The following DOCK2 variants were observed in gnomAD, a reference collection of about 807,000 sequenced individuals.
DOCK2 encodes the protein dedicator of cytokinesis 2, also known as dedicator of cytokinesis protein 2.
In DOCK2, 87 loss-of-function variants were observed where a neutral mutation model predicts 248.9. The observed-to-expected ratio is 0.35, with a 90% CI of 0.29 to 0.42. The LOEUF (loss-of-function observed/expected upper bound fraction) is 0.42, where lower values mean the gene tolerates loss of function less well. Among genes scored for constraint, DOCK2 ranks in the 10% least tolerant of loss-of-function variants. The pLI, the probability that DOCK2 is intolerant of heterozygous loss-of-function variation, is 1.00. For synonymous variants in DOCK2, 805 were observed against 821.6 expected, an observed-to-expected ratio of 0.98 and a Z score of 0.35; for missense variants, 1,747 against 2,300.2, an observed-to-expected ratio of 0.76 and a Z score of 4.92.
chr5:169,681,631 CTAT>C, intron 6 of DOCK2, 110 bp from the exon 7 acceptor site: 1 of 1,308,740 alleles, frequency 7.6e-7, no homozygotes, highest in South Asian at 1.5e-5. Context: ...TAGAGCTCTT[CTAT>C]GTGACTATAT....
At chr5:169,811,644 C>T (rs1699267375) in intron 26 of DOCK2, among the ~76,000 whole-genome samples, 1 of 152,208 alleles carries the variant, frequency 6.6e-6, no homozygotes, top group South Asian at 2.1e-4. Context: ...CTGTATACCA[C>T]ACACTTCCCC....
intron 26 of DOCK2, among the ~76,000 whole-genome samples, chr5:169,809,247 T>C (rs155025): frequency 0.13 from 19,854 of 152,144 alleles, 1,464 homozygotes; most frequent in African/African-American, 0.18. Flanking sequence ...CACCTCCACC[T>C]CCCAAAGTGC....
intron 26 of DOCK2, among the ~76,000 whole-genome samples, chr5:169,823,614 C>T (rs751847745): frequency 2.0e-5 from 3 of 152,138 alleles, no homozygotes; most frequent in Admixed American, 6.5e-5. Flanking sequence ...ATTGATGGGA[C>T]GTACCTCAAA....
At chr5:169,994,054 G>T (rs1277251874) in intron 29 of DOCK2, among the ~76,000 whole-genome samples, 1 of 152,176 alleles carries the variant, frequency 6.6e-6, no homozygotes, top group South Asian at 2.1e-4. Flanking sequence ...CCTTAACTTA[G>T]TTGGGAAGAC....
chr5:170,060,536 G>A (rs1276738689), intron 44 of DOCK2, among the ~76,000 whole-genome samples: 3 of 152,170 alleles, frequency 2.0e-5, no homozygotes, highest in South Asian at 2.1e-4. Context: ...AGTTCTCCAA[G>A]TTTTTTGTCC....
At chr5:170,015,789 C>T (rs1755509410) in intron 32 of DOCK2, among the ~76,000 whole-genome samples, 1 of 151,378 alleles carries the variant, frequency 6.6e-6, no homozygotes, top group Non-Finnish European at 1.5e-5. Context: ...AGCCTCCCTC[C>T]CTCCCTCCTT....
chr5:169,779,179 A>G (rs1000104170), intron 25 of DOCK2: 1 of 152,270 alleles, frequency 6.6e-6, no homozygotes, highest in Non-Finnish European at 1.5e-5. Context: ...CCCCTGATCC[A>G]TTTTACAGAG....
At position 170,022,156 on chromosome 5, in the gene DOCK2, T is replaced by C. The variant is rs369021940; in HGVS notation, c.3381+3048T>C. On this transcript the variant is annotated intron_variant, in intron 33 of 51. Coordinates refer to ENST00000520908, the MANE Select transcript of DOCK2 (RefSeq NM_004946.3). ...CTTTGTATGGGCTCTTCCTTTTATA[T>C]CTTTGCCTGAAGAGATCCTAGACAC... is the stretch of plus-strand genomic sequence containing the variant. Among the ~76,000 whole-genome samples the C allele has an allele frequency of 1.8e-4, 27 of 152,336 alleles. No homozygotes were observed. In the East Asian group the frequency reaches 3.3e-3, roughly 19 times the overall value.
chr5:169,674,486 G>C, intron 6 of DOCK2, 41 bp downstream of exon 6: 2 of 1,607,668 alleles, frequency 1.2e-6, no homozygotes, highest in Non-Finnish European at 1.7e-6. Flanking sequence ...TCTTCCCCCA[G>C]CCATCCTCTT....
rs557283711 is a variant in DOCK2 at position 169,671,217 on chromosome 5, A to C, written c.321+43A>C. ...GCTCCCTGAGTTGGAAGCTTCTTGC[A>C]ATCTTCAGTTTGGTTCCAGTTTTCA... On this transcript the variant is annotated intron_variant, in intron 5 of 51. Transcript: ENST00000520908. 2.9e-5 allele frequency: 46 copies of C among 1,579,084 alleles called. No homozygotes were observed. The African/African-American group carries it at 5.0e-4, about 17-fold the overall frequency.
At chr5:169,674,505 C>T in intron 6 of DOCK2, 60 bp downstream of exon 6, 2 of 1,597,510 alleles carry the variant, frequency 1.3e-6, no homozygotes, top group South Asian at 1.1e-5. Context: ...TTTCTTCCCT[C>T]TCTCCCCAGA....
chr5:169,678,789 C>A (rs1759484107), intron 6 of DOCK2, among the ~76,000 whole-genome samples: 1 of 149,780 alleles, frequency 6.7e-6, no homozygotes. Context: ...CAGCCACTTT[C>A]AGTCGGAAGT....
intron 27 of DOCK2, among the ~76,000 whole-genome samples, chr5:169,963,251 G>C (rs1410803418): frequency 6.6e-6 from 1 of 152,142 alleles, no homozygotes; most frequent in East Asian, 1.9e-4. Flanking sequence ...TCCATGAACT[G>C]ATGAGATGGA....
chr5:169,993,200 A>G (rs1778254949), intron 29 of DOCK2, among the ~76,000 whole-genome samples: 1 of 152,254 alleles, frequency 6.6e-6, no homozygotes, highest in Admixed American at 6.5e-5. Flanking sequence ...GTTGTTTCAA[A>G]GACATATTGG....
intron 44 of DOCK2, among the ~76,000 whole-genome samples, chr5:170,064,383 A>G (rs1757425343): frequency 6.6e-6 from 1 of 152,124 alleles, no homozygotes; most frequent in Non-Finnish European, 1.5e-5. Context: ...GCAATGCAAG[A>G]ACAAACCGAG....
chr5:169,864,222 A>G (rs934827095), intron 27 of DOCK2: 14 of 1,465,040 alleles, frequency 9.6e-6, no homozygotes, highest in African/African-American at 8.4e-5. Context: ...TGGATTTCCC[A>G]TCTCAGGGAA....
intron 27 of DOCK2, among the ~76,000 whole-genome samples, chr5:169,977,451 C>T (rs1777755559): frequency 6.6e-6 from 1 of 152,196 alleles, no homozygotes; most frequent in African/African-American, 2.4e-5. Context: ...CGAGGGCTTT[C>T]CGTATTCTAA....
chr5:169,727,760 A>G (rs974765663), intron 22 of DOCK2, among the ~76,000 whole-genome samples: 1 of 152,200 alleles, frequency 6.6e-6, no homozygotes, highest in Non-Finnish European at 1.5e-5. Flanking sequence ...ATAAGCATCT[A>G]TTGAGTTTTG....
chr5:170,020,720 C>A (rs1047531960), intron 33 of DOCK2, among the ~76,000 whole-genome samples: 2 of 152,218 alleles, frequency 1.3e-5, no homozygotes, highest in African/African-American at 4.8e-5. Flanking sequence ...CATGCTGCAA[C>A]CCGTACTATC....
Sources: gnomAD v4.1 joint callset for allele counts (sites outside exome capture counted in the v4.1 genomes callset) on GRCh38, gnomAD v4.1.1 for gene constraint, MANE v1.5 for transcripts, NCBI Gene and HGNC (gene_info 2026-07-23, HGNC 2026-07-21) for gene names.